The following FANCC variants were observed in gnomAD, a reference collection of about 807,000 sequenced individuals.
The protein encoded by FANCC is Fanconi anemia group C protein.
A neutral mutation model predicts 71.3 loss-of-function variants in FANCC; 55 were observed. The observed-to-expected ratio is 0.77, with a 90% confidence interval of 0.62 to 0.97. The LOEUF (loss-of-function observed/expected upper bound fraction) is 0.97, where lower values mean the gene tolerates loss of function less well. Ranked by LOEUF, FANCC falls within the 50% of genes least tolerant of loss-of-function variation. The pLI, the probability that FANCC is intolerant of heterozygous loss-of-function variation, is 0.00. For missense variants in FANCC, 678 were observed against 670.9 expected, an observed-to-expected ratio of 1.01 and a Z score of -0.12; for synonymous variants, 275 against 244.9, an observed-to-expected ratio of 1.12 and a Z score of -1.15.
chr9:95,111,054 G>C, intron 13 of FANCC: 1 of 1,475,288 alleles, frequency 6.8e-7, no homozygotes, highest in Non-Finnish European at 9.0e-7. Context: ...GCAAGCCCTG[G>C]CCGGGCTGCT....
intron 6 of FANCC, among the ~76,000 whole-genome samples, chr9:95,168,839 A>G (rs1031889162): frequency 4.6e-5 from 7 of 152,176 alleles, no homozygotes; most frequent in African/African-American, 1.7e-4. Context: ...TAAATTGTGT[A>G]CTGTTCTGAG....
At chr9:95,242,127 C>T (rs1031639417) in intron 3 of FANCC, among the ~76,000 whole-genome samples, 4 of 152,100 alleles carry the variant, frequency 2.6e-5, no homozygotes, top group Non-Finnish European at 5.9e-5. Context: ...CAATAACTAA[C>T]ATCTCTGAAA....
intron 1 of FANCC, among the ~76,000 whole-genome samples, chr9:95,296,044 C>T (rs1199560424): frequency 6.6e-6 from 1 of 152,166 alleles, no homozygotes; most frequent in Non-Finnish European, 1.5e-5. Context: ...GGTATGTTTA[C>T]AGTTTTGATG....
At position 95,150,056 on chromosome 9, in the gene FANCC, G is replaced by A. The variant is rs121917783; in HGVS notation, c.553C>T (p.Arg185Ter). Reference protein sequence around the residue: ...MAPERVASLSRVCVPLITLTD... With the variant: ...MAPERVASLS ...AGGGTAATAAGTGGGACACAAACTC[G>A]TGACAGGGACGCCACTCGCTCGGGA... The change falls in exon 7 of 15, where the codon CGA becomes TGA. Residue 185 changes from arginine (R) to a stop codon, truncating the protein, a stop_gained. Coordinates refer to ENST00000289081, the MANE Select transcript of FANCC (RefSeq NM_000136.3). LOFTEE classifies it high-confidence loss of function. The A allele has an allele frequency of 1.6e-4, 265 of 1,613,952 alleles. No homozygotes were observed. The highest frequency in any genetic ancestry group is 2.2e-4 in the Non-Finnish European group (256 of 1,180,024).
chr9:95,101,920 G>T, intron 14 of FANCC, 70 bp from the exon 15 acceptor site: 3 of 1,571,240 alleles, frequency 1.9e-6, no homozygotes, highest in Non-Finnish European at 1.7e-6. Context: ...GTCCAGGGAC[G>T]GACCATAACC....
intron 6 of FANCC, among the ~76,000 whole-genome samples, chr9:95,163,990 A>C (rs1180829923): frequency 8.5e-5 from 13 of 152,220 alleles, no homozygotes; most frequent in Non-Finnish European, 1.0e-4. Flanking sequence ...TCACCTCCTT[A>C]GTTGCTTATT....
intron 14 of FANCC, among the ~76,000 whole-genome samples, chr9:95,102,717 G>A (rs1011364250): frequency 8.5e-5 from 13 of 152,190 alleles, no homozygotes; most frequent in East Asian, 3.9e-4. Flanking sequence ...CCTCAGGTCC[G>A]ACAGCCCAGG....
intron 1 of FANCC, chr9:95,293,265 A>G: frequency 6.2e-7 from 1 of 1,612,702 alleles, no homozygotes; most frequent in African/African-American, 1.3e-5. Flanking sequence ...CCCGTGATGC[A>G]GTTTTCTCTC....
chr9:95,246,408 C>T (rs185942692), intron 3 of FANCC, among the ~76,000 whole-genome samples: 1 of 152,330 alleles, frequency 6.6e-6, no homozygotes, highest in East Asian at 1.9e-4. Flanking sequence ...TGGGAAACTG[C>T]ATGATTCTTT....
At position 95,247,483 on chromosome 9, in the gene FANCC, T is replaced by G; in HGVS notation, c.199A>C (p.Ile67Leu). The change falls in exon 3 of 15, where the codon ATT (isoleucine) becomes CTT (leucine). Residue 67 changes from isoleucine to leucine, a missense_variant. Coordinates refer to ENST00000289081, the MANE Select transcript of FANCC (RefSeq NM_000136.3). The stretch of plus-strand genomic sequence containing the variant: ...CAAGCTTTTGCCAACAGTTGACCAA[T>G]TGTGGGGAATCTTTCAATGACTGTA... ...SNTVIERFPT[I>L]GQLLAKACWN... 1 of 1,613,718 alleles carries G rather than the reference T, an allele frequency of 6.2e-7. No individual in the cohort carries two copies. The highest frequency in any genetic ancestry group is 1.3e-5 in the African/African-American group (1 of 75,020).
At chr9:95,241,201 T>C (rs527960818) in intron 3 of FANCC, among the ~76,000 whole-genome samples, 2 of 152,364 alleles carry the variant, frequency 1.3e-5, no homozygotes, top group East Asian at 3.8e-4. Flanking sequence ...TGGTAGCCAG[T>C]ATTTGTGATT....
intron 1 of FANCC, among the ~76,000 whole-genome samples, chr9:95,259,915 T>C (rs1831915632): frequency 6.6e-6 from 1 of 152,240 alleles, no homozygotes; most frequent in African/African-American, 2.4e-5. Flanking sequence ...AAGACATTTA[T>C]GCAGCCAACA....
At position 95,101,233 on chromosome 9, in the gene FANCC, C is replaced by A; in HGVS notation, c.*474G>T. Reference sequence around the variant, plus strand: ...ACTCCCCTTGAAGAATTTCTCCATACAGCAAGACAGTGTGGCTTTATCCCA... The same window carrying A: ...ACTCCCCTTGAAGAATTTCTCCATAAAGCAAGACAGTGTGGCTTTATCCCA... On this transcript the variant is annotated 3_prime_UTR_variant, in exon 15 of 15. Coordinates refer to ENST00000289081, the MANE Select transcript of FANCC (RefSeq NM_000136.3). 3.6e-6 allele frequency: 1 copy of A among 279,954 alleles called. No individual in the cohort carries two copies. The highest frequency in any genetic ancestry group is 6.9e-6 in the Non-Finnish European group (1 of 145,508). The allele number at this position is 279,954 out of a possible 1,614,324, so 17.3% of individuals were successfully genotyped here.
intron 10 of FANCC, among the ~76,000 whole-genome samples, chr9:95,117,839 T>C (rs2072551956): frequency 6.6e-6 from 1 of 151,386 alleles, no homozygotes; most frequent in Admixed American, 6.6e-5. Flanking sequence ...TTCTCCTCCC[T>C]GTCTCCCAAG....
intron 1 of FANCC, among the ~76,000 whole-genome samples, chr9:95,312,767 A>T (rs1221620168): frequency 6.6e-6 from 1 of 152,230 alleles, no homozygotes; most frequent in Non-Finnish European, 1.5e-5. Context: ...CACTGCCCCT[A>T]GGGCTGAGGT....
intron 7 of FANCC, among the ~76,000 whole-genome samples, chr9:95,137,552 CCTCAGATGAAA>C (rs1408237906): frequency 6.6e-6 from 1 of 152,154 alleles, no homozygotes; most frequent in Non-Finnish European, 1.5e-5. Context: ...CATGCCATTT[CCTCAGATGAAA>C]AGAAGAGAAG....
At chr9:95,157,347 C>A (rs1184679631) in intron 6 of FANCC, among the ~76,000 whole-genome samples, 1 of 152,154 alleles carries the variant, frequency 6.6e-6, no homozygotes. Flanking sequence ...ATGGTGTTGT[C>A]ATAGGGCTTT....
At chr9:95,209,903 T>C (rs4647462) in intron 4 of FANCC, among the ~76,000 whole-genome samples, 58,650 of 152,084 alleles carry the variant, frequency 0.39, 11,929 homozygotes, top group East Asian at 0.58. Context: ...TCCAGACATA[T>C]ACCCAGAGAA....
At chr9:95,308,445 G>A (rs1047302867) in intron 1 of FANCC, among the ~76,000 whole-genome samples, 6 of 89,698 alleles carry the variant, frequency 6.7e-5, no homozygotes, top group Admixed American at 1.2e-4. Context: ...CACCACACCC[G>A]GCTAGTTTTT....
Sources: allele counts gnomAD v4.1 joint callset (sites outside exome capture counted in the v4.1 genomes callset), GRCh38; gene constraint gnomAD v4.1.1; transcripts MANE v1.5; gene names NCBI Gene and HGNC (gene_info 2026-07-23, HGNC 2026-07-21).